The following PVT1 variants were observed in gnomAD, a reference collection of about 807,000 sequenced individuals.
The protein encoded by PVT1 is CXCR4/PVT1 fusion.
chr8:127,973,680 GAAA>G (rs34973809), intron 3 of PVT1, among the ~76,000 whole-genome samples: 1 of 143,612 alleles, frequency 7.0e-6, no homozygotes, highest in Non-Finnish European at 1.5e-5. Flanking sequence ...TTGCCTTTTT[GAAA>G]AAAAAAAAAA....
chr8:127,952,133 A>T (rs750129311), intron 3 of PVT1, among the ~76,000 whole-genome samples: 4 of 152,198 alleles, frequency 2.6e-5, no homozygotes, highest in Non-Finnish European at 5.9e-5. Flanking sequence ...AATTCTTTCA[A>T]TGTTGCTCTA....
At chr8:127,894,994 C>T (rs1815657871) in intron 3 of PVT1, among the ~76,000 whole-genome samples, 1 of 152,348 alleles carries the variant, frequency 6.6e-6, no homozygotes, top group African/African-American at 2.4e-5. Context: ...TATAATTTGG[C>T]TCAAATTGCC....
In PVT1 at chr8:127,884,022, G is replaced by A. The variant is rs996041837; in HGVS notation, n.373-6567G>A. On this transcript the variant is annotated intron_variant and non_coding_transcript_variant, in intron 2 of 10. Coordinates refer to ENST00000651587, the Ensembl canonical transcript of PVT1. The stretch of plus-strand genomic sequence containing the variant: ...TAAACTCCCTTTTTATAGAAATAAT[G>A]TGCATGGAGAAAAGTGCACATGTCA... 2.0e-5 allele frequency among the ~76,000 whole-genome samples: 3 copies of A among 152,204 alleles called. No homozygotes were observed. In the East Asian group the frequency reaches 5.8e-4, roughly 29 times the overall value.
intron 3 of PVT1, among the ~76,000 whole-genome samples, chr8:127,982,679 TAAAA>T (rs869233862): frequency 0.046 from 6,402 of 140,038 alleles, 450 homozygotes; most frequent in African/African-American, 0.19. Flanking sequence ...AATTAATTAA[TAAAA>T]TAAATGAATC....
chr8:127,899,257 T>C (rs1815728915), intron 3 of PVT1, among the ~76,000 whole-genome samples: 1 of 152,256 alleles, frequency 6.6e-6, no homozygotes, highest in South Asian at 2.1e-4. Context: ...TTGGCCTCTC[T>C]GGGCTTTCGC....
intron 2 of PVT1, among the ~76,000 whole-genome samples, chr8:127,848,169 C>T (rs1185248238): frequency 6.6e-6 from 1 of 152,064 alleles, no homozygotes; most frequent in African/African-American, 2.4e-5. Context: ...GAGGGAGACC[C>T]CAGAGGTAAA....
chr8:128,038,234 A>G (rs1813488055), intron 4 of PVT1, among the ~76,000 whole-genome samples: 2 of 152,212 alleles, frequency 1.3e-5, no homozygotes, highest in South Asian at 4.1e-4. Context: ...TTTGGAATTA[A>G]GAATTTGGAT....
chr8:127,819,885 G>A (rs7823531), intron 2 of PVT1, among the ~76,000 whole-genome samples: 17,301 of 152,166 alleles, frequency 0.11, 2,959 homozygotes, highest in African/African-American at 0.38. Flanking sequence ...TAGAAGGTGC[G>A]TGTCTCTTTC....
chr8:127,849,722 C>T (rs1476870401), intron 2 of PVT1, among the ~76,000 whole-genome samples: 3 of 125,768 alleles, frequency 2.4e-5, no homozygotes, highest in East Asian at 2.3e-4. Flanking sequence ...CGTGCACGTG[C>T]GTGGGTGCAC....
chr8:128,066,195 T>C (rs1813908376), intron 4 of PVT1, among the ~76,000 whole-genome samples: 1 of 152,236 alleles, frequency 6.6e-6, no homozygotes, highest in South Asian at 2.1e-4. Flanking sequence ...GACTCTGCCT[T>C]CCACAGGGTA....
chr8:127,832,152 C>T (rs1375548850), intron 2 of PVT1, among the ~76,000 whole-genome samples: 1 of 152,134 alleles, frequency 6.6e-6, no homozygotes, highest in East Asian at 1.9e-4. Context: ...TCCTCCACCC[C>T]CATCTCGGCA....
rs1263660649 is a variant in PVT1 at position 127,930,584 on chromosome 8, CA to C, written n.782+39589del. 2.0e-5 allele frequency among the ~76,000 whole-genome samples: 3 copies of C among 152,126 alleles called. No homozygotes were observed. The East Asian group carries it at 5.8e-4, about 29-fold the overall frequency. On this transcript the variant is annotated intron_variant and non_coding_transcript_variant, in intron 3 of 10. Coordinates refer to ENST00000651587, the Ensembl canonical transcript of PVT1. ...GCCTCAGTTTCCTCATTTTTCAAAA[CA>C]AAGATGGTGTGTGTGTGCATCTCCA...
chr8:127,949,889 C>T (rs939686854), intron 3 of PVT1, among the ~76,000 whole-genome samples: 3 of 152,242 alleles, frequency 2.0e-5, no homozygotes, highest in Admixed American at 6.5e-5. Context: ...CGGCCCAAGC[C>T]GGCCCTGCCC....
intron 5 of PVT1, among the ~76,000 whole-genome samples, chr8:128,083,781 A>G (rs1260358126): frequency 6.6e-6 from 1 of 152,224 alleles, no homozygotes; most frequent in Non-Finnish European, 1.5e-5. Flanking sequence ...GTGAGGGTCA[A>G]GATCCTCAGC....
rs148695316 is a variant in PVT1 at position 127,950,781 on chromosome 8, G to A, written n.783-38381G>A. Among the ~76,000 whole-genome samples, 35 of 152,346 alleles carry A rather than the reference G, an allele frequency of 2.3e-4. No individual in the cohort carries two copies. In the East Asian group the frequency reaches 6.7e-3, roughly 29 times the overall value. On this transcript the variant is annotated intron_variant and non_coding_transcript_variant, in intron 3 of 10. Transcript: ENST00000651587. ...ACAAGGAGCACCTTCGAGTGAGGAG[G>A]TGTAGGAGGGAGGATGGCTAACAGC...
chr8:127,936,515 C>T (rs1001287343), intron 3 of PVT1, among the ~76,000 whole-genome samples: 4 of 152,088 alleles, frequency 2.6e-5, no homozygotes, highest in Admixed American at 1.3e-4. Context: ...TTCCTATGGC[C>T]GCCCCAATGC....
intron 3 of PVT1, among the ~76,000 whole-genome samples, chr8:127,910,037 G>A (rs1815872442): frequency 1.3e-5 from 2 of 152,090 alleles, no homozygotes; most frequent in South Asian, 2.1e-4. Context: ...CTGGGTGTGT[G>A]GGGATTGGTT....
At chr8:127,863,876 G>A (rs992177981) in intron 2 of PVT1, among the ~76,000 whole-genome samples, 1 of 152,172 alleles carries the variant, frequency 6.6e-6, no homozygotes, top group Non-Finnish European at 1.5e-5. Flanking sequence ...CTTTGCTTTG[G>A]TGCCTGGATG....
intron 3 of PVT1, among the ~76,000 whole-genome samples, chr8:127,951,033 G>T (rs571885739): frequency 6.6e-6 from 1 of 152,318 alleles, no homozygotes; most frequent in African/African-American, 2.4e-5. Context: ...AAGTAGCTGA[G>T]ATTACAGGCA....
Sources: gnomAD v4.1 joint callset for allele counts (sites outside exome capture counted in the v4.1 genomes callset) on GRCh38, gnomAD v4.1.1 for gene constraint, MANE v1.5 for transcripts, NCBI Gene and HGNC (gene_info 2026-07-23, HGNC 2026-07-21) for gene names.